The following DIS3L2 variants were observed in gnomAD, a reference collection of about 807,000 sequenced individuals.
The protein encoded by DIS3L2 is DIS3 like 3'-5' exoribonuclease 2.
Under a neutral mutation model 97.5 loss-of-function variants are expected in DIS3L2, and 34 were observed. The ratio of observed to expected loss-of-function variants is 0.35; its 90% CI spans 0.27 to 0.46. DIS3L2 has a LOEUF of 0.46. Among genes scored for constraint, DIS3L2 ranks in the 20% least tolerant of loss-of-function variants. DIS3L2 has a pLI of 1.00. For missense variants in DIS3L2, 1,038 were observed against 1,146.0 expected, an observed-to-expected ratio of 0.91 and a Z score of 1.36; for synonymous variants, 435 against 445.2, an observed-to-expected ratio of 0.98 and a Z score of 0.29.
intron 8 of DIS3L2, among the ~76,000 whole-genome samples, chr2:232,141,533 A>G (rs1690038658): frequency 6.6e-6 from 1 of 152,152 alleles, no homozygotes; most frequent in South Asian, 2.1e-4. Context: ...TTGGTTGAAC[A>G]TGGGATTGCC....
At chr2:232,199,355 C>T (rs1259154866) in intron 9 of DIS3L2, among the ~76,000 whole-genome samples, 1 of 152,078 alleles carries the variant, frequency 6.6e-6, no homozygotes, top group East Asian at 1.9e-4. Flanking sequence ...TGAAGTTTCT[C>T]GGAGTCAGAT....
In DIS3L2 at chr2:232,279,359, C is replaced by T. The variant is rs1385438912; in HGVS notation, c.1659+15919C>T. Among the ~76,000 whole-genome samples, 3 of 152,202 alleles carry T rather than the reference C, an allele frequency of 2.0e-5. No individual in the cohort carries two copies. In the East Asian group the frequency reaches 5.8e-4, roughly 29 times the overall value. On this transcript the variant is annotated intron_variant, in intron 13 of 20. Coordinates refer to ENST00000325385, the MANE Select transcript of DIS3L2 (RefSeq NM_152383.5). Reference sequence around the variant, plus strand: ...CATTGTGGTTTTAATTTGAATTTCCCTAATGACAAATTCTGTTGAGCATCT... The same window carrying T: ...CATTGTGGTTTTAATTTGAATTTCCTTAATGACAAATTCTGTTGAGCATCT...
intron 6 of DIS3L2, among the ~76,000 whole-genome samples, chr2:232,093,378 G>T (rs942676988): frequency 6.6e-6 from 1 of 151,914 alleles, no homozygotes; most frequent in Non-Finnish European, 1.5e-5. Context: ...ATCTGTTTTT[G>T]ATATCAGGGT....
Position 232,263,230 on chromosome 2 carries a change from G to T in DIS3L2, c.1449G>T (p.Arg483=). 1 of 1,614,186 alleles carries T rather than the reference G, an allele frequency of 6.2e-7. No individual in the cohort carries two copies. The highest frequency in any genetic ancestry group is 1.1e-5 in the South Asian group (1 of 91,060). ...AGATCCTTGATGAATGGTTTGGCCG[G>T]ACCATCATCCGCTCCTGCACCAAAC... The part of the protein sequence containing the change: ...EGKILDEWFG[R]TIIRSCTKLS... Residue 483 remains arginine, a synonymous_variant, in exon 13 of 21, where the codon CGG becomes CGT. Coordinates refer to ENST00000325385, the MANE Select transcript of DIS3L2 (RefSeq NM_152383.5).
At chr2:232,323,204 G>GT (rs1270314549) in intron 14 of DIS3L2, among the ~76,000 whole-genome samples, 6 of 152,244 alleles carry the variant, frequency 3.9e-5, no homozygotes, top group Non-Finnish European at 8.8e-5. Context: ...ACTGGCACCT[G>GT]GTTCTGCTTG....
At chr2:232,304,687 G>A (rs1159484503) in intron 14 of DIS3L2, among the ~76,000 whole-genome samples, 1 of 152,160 alleles carries the variant, frequency 6.6e-6, no homozygotes, top group African/African-American at 2.4e-5. Flanking sequence ...TGGCCTCCCG[G>A]CTGTCCTCTC....
Position 232,130,626 on chromosome 2 carries a change from G to A in DIS3L2, c.609G>A (p.Glu203=), listed in dbSNP as rs1338782157. ...TTTATCTTTTTAATGTAGGAAGAGA[G>A]GATGGTGATGCACCGGTTACAAAAG... The part of the protein sequence containing the change: ...LSVCVSEKGR[E]DGDAPVTKDE... Residue 203 remains glutamate (E), a synonymous_variant, in exon 7 of 21, where the codon GAG becomes GAA. Coordinates refer to ENST00000325385, the MANE Select transcript of DIS3L2 (RefSeq NM_152383.5). The A allele has an allele frequency of 1.2e-6, 2 of 1,610,478 alleles. No individual in the cohort carries two copies. Among genetic ancestry groups the A allele is most frequent in the East Asian group, 2.2e-5 (1 of 44,682 alleles).
At chr2:232,280,749 T>C (rs879922920) in intron 13 of DIS3L2, among the ~76,000 whole-genome samples, 8 of 152,154 alleles carry the variant, frequency 5.3e-5, no homozygotes, top group Non-Finnish European at 1.0e-4. Context: ...ATAGAGGCCC[T>C]CCATACACTG....
chr2:232,310,269 C>T lies in DIS3L2; in HGVS notation c.1739+10150C>T, dbSNP rs900828946. 5.3e-5 allele frequency among the ~76,000 whole-genome samples: 8 copies of T among 152,268 alleles called. No individual in the cohort carries two copies. In the South Asian group the frequency reaches 8.3e-4, roughly 16 times the overall value. On this transcript the variant is annotated intron_variant, in intron 14 of 20. Transcript: ENST00000325385. ...GGAGGGGCTTGGGGGAAGTTGGAAG[C>T]GATGCAGCCAGAGAGGTGCCAGGCG...
chr2:232,113,345 T>G (rs1026098042), intron 6 of DIS3L2, among the ~76,000 whole-genome samples: 3 of 152,242 alleles, frequency 2.0e-5, no homozygotes, highest in Non-Finnish European at 4.4e-5. Context: ...ATTCCACTAC[T>G]CAGTATTTAC....
chr2:232,327,631 C>A (rs1422492855), intron 14 of DIS3L2, among the ~76,000 whole-genome samples: 1 of 152,188 alleles, frequency 6.6e-6, no homozygotes, highest in Admixed American at 6.5e-5. Flanking sequence ...AGTCTAATGG[C>A]ACCAGACAGT....
chr2:232,014,578 T>C (rs969960268), intron 1 of DIS3L2, among the ~76,000 whole-genome samples: 4 of 152,232 alleles, frequency 2.6e-5, no homozygotes, highest in African/African-American at 9.6e-5. Flanking sequence ...TCCTTATTTT[T>C]CACATCATTG....
rs545952120 is a variant in DIS3L2, at chr2:232,213,673, T to G, written c.1204+3268T>G. Reference sequence around the variant, plus strand: ...TATATCATCTGTAGTTTTTTTTTTTTTTTTTTTTTTTTAAGTGTAAAGTTT... The same window carrying G: ...TATATCATCTGTAGTTTTTTTTTTTGTTTTTTTTTTTTAAGTGTAAAGTTT... On this transcript the variant is annotated intron_variant, in intron 10 of 20. Coordinates refer to ENST00000325385, the MANE Select transcript of DIS3L2 (RefSeq NM_152383.5). Among the ~76,000 whole-genome samples, 3 of 150,950 alleles carry G rather than the reference T, an allele frequency of 2.0e-5. No homozygotes were observed. The East Asian group carries it at 5.8e-4, about 29-fold the overall frequency.
intron 3 of DIS3L2, among the ~76,000 whole-genome samples, chr2:232,022,741 C>A (rs1694553342): frequency 6.6e-6 from 1 of 152,218 alleles, no homozygotes; most frequent in Non-Finnish European, 1.5e-5. Context: ...CTCCCTTGTA[C>A]CCCGTCATTT....
intron 14 of DIS3L2, among the ~76,000 whole-genome samples, chr2:232,306,861 A>G (rs890117904): frequency 2.0e-5 from 3 of 152,166 alleles, no homozygotes; most frequent in African/African-American, 4.8e-5. Context: ...CTGGCACCCT[A>G]CATGCTGTCT....
intron 9 of DIS3L2, among the ~76,000 whole-genome samples, chr2:232,197,378 C>T (rs577740048): frequency 7.2e-5 from 11 of 152,280 alleles, no homozygotes; most frequent in African/African-American, 2.4e-4. Flanking sequence ...AATATATTCA[C>T]ATATATTCTT....
intron 9 of DIS3L2, among the ~76,000 whole-genome samples, chr2:232,190,811 C>T (rs1248147139): frequency 1.3e-5 from 2 of 152,006 alleles, no homozygotes; most frequent in Non-Finnish European, 2.9e-5. Context: ...TGAAGAGCTC[C>T]AGAATGTAAA....
intron 14 of DIS3L2, among the ~76,000 whole-genome samples, chr2:232,316,208 T>C (rs867120039): frequency 4.6e-5 from 7 of 152,170 alleles, no homozygotes; most frequent in Non-Finnish European, 1.0e-4. Context: ...TTTGTTGTTC[T>C]ATAAATCTGT....
chr2:232,224,070 C>T (rs1444239850), intron 10 of DIS3L2, among the ~76,000 whole-genome samples: 5 of 152,062 alleles, frequency 3.3e-5, no homozygotes, highest in Non-Finnish European at 7.4e-5. Context: ...CCAGCCTGGG[C>T]GACAGAGTGA....
Sources: gnomAD v4.1 joint callset for allele counts (sites outside exome capture counted in the v4.1 genomes callset) on GRCh38, gnomAD v4.1.1 for gene constraint, MANE v1.5 for transcripts, NCBI Gene and HGNC (gene_info 2026-07-23, HGNC 2026-07-21) for gene names.